The following ABCD2 variants were observed in gnomAD, a reference collection of about 807,000 sequenced individuals.
ABCD2 encodes the protein ATP binding cassette subfamily D member 2.
A neutral mutation model predicts 70.9 loss-of-function variants in ABCD2; 36 were observed. That is an observed-to-expected ratio of 0.51 (90% CI 0.39 to 0.67). The LOEUF (loss-of-function observed/expected upper bound fraction) is 0.67. Among genes scored for constraint, ABCD2 ranks in the 30% least tolerant of loss-of-function variants. ABCD2 has a pLI of 0.00. For synonymous variants in ABCD2, 304 were observed against 306.9 expected (o/e 0.99, Z 0.10); for missense variants, 729 against 890.2 (o/e 0.82, Z 2.30).
chr12:39,600,475 C>A, intron 6 of ABCD2, 96 bp downstream of exon 6: 2 of 1,169,804 alleles, frequency 1.7e-6, no homozygotes, highest in Non-Finnish European at 2.4e-6. Context: ...TTAATAAAAA[C>A]ATTCTTAAAG....
intron 4 of ABCD2, 32 bp from the exon 5 acceptor site, chr12:39,604,038 A>G (rs759441037): frequency 1.4e-6 from 2 of 1,425,816 alleles, no homozygotes; most frequent in Middle Eastern, 1.8e-4. Context: ...AGATACAAAC[A>G]TTATCACAGG....
chr12:39,616,090 T>C (rs1942110983), intron 2 of ABCD2, among the ~76,000 whole-genome samples: 1 of 152,106 alleles, frequency 6.6e-6, no homozygotes, highest in African/African-American at 2.4e-5. Flanking sequence ...AGGATACACG[T>C]AGGAAGAGGG....
chr12:39,585,320 CTGT>C (rs1233167997), intron 7 of ABCD2, among the ~76,000 whole-genome samples: 2 of 152,032 alleles, frequency 1.3e-5, no homozygotes, highest in East Asian at 3.9e-4. Context: ...GTTCGCTTGG[CTGT>C]TGTTGGTGTA....
At chr12:39,567,560 C>A (rs1941373133) in intron 9 of ABCD2, among the ~76,000 whole-genome samples, 1 of 152,186 alleles carries the variant, frequency 6.6e-6, no homozygotes, top group Non-Finnish European at 1.5e-5. Context: ...ATACAGCACA[C>A]TGATGAGTCT....
chr12:39,548,193 A>C (rs1430411025), downstream of ABCD2, among the ~76,000 whole-genome samples: 1 of 152,130 alleles, frequency 6.6e-6, no homozygotes, highest in Non-Finnish European at 1.5e-5. Flanking sequence ...ACAGTGCACT[A>C]TGATGCTAGA....
chr12:39,582,272 C>G (rs1486122092), intron 7 of ABCD2, among the ~76,000 whole-genome samples: 2 of 152,086 alleles, frequency 1.3e-5, no homozygotes, highest in Admixed American at 1.3e-4. Context: ...CAAGTCAGAA[C>G]TGTGCTTGAA....
intron 5 of ABCD2, among the ~76,000 whole-genome samples, chr12:39,601,448 T>TATCCTATTATTTTCTA (rs1941896317): frequency 6.6e-6 from 1 of 151,918 alleles, no homozygotes; most frequent in Non-Finnish European, 1.5e-5. Flanking sequence ...TATTGGATGC[T>TATCCTATTATTTTCTA]TCCCTTTATT....
chr12:39,600,774 C>A, intron 5 of ABCD2, 58 bp from the exon 6 acceptor site: 1 of 1,429,604 alleles, frequency 7.0e-7, no homozygotes. Flanking sequence ...ATTTTGGCAG[C>A]ACCTAAAAGT....
intron 2 of ABCD2, among the ~76,000 whole-genome samples, chr12:39,615,489 C>G (rs980719038): frequency 6.6e-6 from 1 of 151,312 alleles, no homozygotes; most frequent in African/African-American, 2.4e-5. Context: ...CTAACAATAC[C>G]TTTTTCAATA....
intron 2 of ABCD2, among the ~76,000 whole-genome samples, chr12:39,610,839 T>C (rs560192971): frequency 1.3e-5 from 2 of 152,308 alleles, no homozygotes; most frequent in East Asian, 1.9e-4. Flanking sequence ...TGTGAGAGCA[T>C]TGCCAGTAGT....
intron 2 of ABCD2, among the ~76,000 whole-genome samples, chr12:39,616,218 C>G (rs1942112950): frequency 6.6e-6 from 1 of 152,144 alleles, no homozygotes; most frequent in Non-Finnish European, 1.5e-5. Flanking sequence ...GAAAATACTT[C>G]TTCAGTTAAT....
At chr12:39,574,145 T>C (rs751605894) in intron 8 of ABCD2, among the ~76,000 whole-genome samples, 7 of 152,124 alleles carry the variant, frequency 4.6e-5, no homozygotes, top group Non-Finnish European at 8.8e-5. Context: ...ACTGAGTACA[T>C]TTTCCTGCAG....
chr12:39,559,916 G>A (rs986237845), intron 9 of ABCD2, among the ~76,000 whole-genome samples: 21 of 152,052 alleles, frequency 1.4e-4, no homozygotes, highest in African/African-American at 4.8e-4. Context: ...TGGGTAATAA[G>A]AAAACATTAG....
chr12:39,616,859 C>T, intron 2 of ABCD2, 129 bp downstream of exon 2: 1 of 775,240 alleles, frequency 1.3e-6, no homozygotes. Flanking sequence ...TAAAGTCTGC[C>T]ATTGTTTCGG....
At chr12:39,595,318 C>T (rs892111391) in intron 6 of ABCD2, among the ~76,000 whole-genome samples, 1 of 152,054 alleles carries the variant, frequency 6.6e-6, no homozygotes, top group Non-Finnish European at 1.5e-5. Flanking sequence ...TATTCAAAGA[C>T]TTGGTATAGT....
At chr12:39,597,817 T>C (rs1941839440) in intron 6 of ABCD2, among the ~76,000 whole-genome samples, 2 of 152,196 alleles carry the variant, frequency 1.3e-5, no homozygotes, top group Non-Finnish European at 1.5e-5. Flanking sequence ...TTAATAAAGA[T>C]AGGATAAAGG....
chr12:39,591,293 T>G (rs1941742901), intron 6 of ABCD2, among the ~76,000 whole-genome samples: 1 of 152,154 alleles, frequency 6.6e-6, no homozygotes, highest in Non-Finnish European at 1.5e-5. Flanking sequence ...AGAAGAAATA[T>G]TCAAGTGAAA....
At chr12:39,586,357 G>C in intron 6 of ABCD2, 60 bp from the exon 7 acceptor site, 1 of 1,539,076 alleles carries the variant, frequency 6.5e-7, no homozygotes, top group Middle Eastern at 1.7e-4. Flanking sequence ...TACTCAGTGT[G>C]ACAACTTGGT....
intron 3 of ABCD2, among the ~76,000 whole-genome samples, chr12:39,605,287 T>C (rs1941954384): frequency 6.6e-6 from 1 of 152,084 alleles, no homozygotes; most frequent in African/African-American, 2.4e-5. Flanking sequence ...TTATAATCTT[T>C]TATTTTTGGT....
Sources: gnomAD v4.1 joint callset for allele counts (sites outside exome capture counted in the v4.1 genomes callset) on GRCh38, gnomAD v4.1.1 for gene constraint, MANE v1.5 for transcripts, NCBI Gene and HGNC (gene_info 2026-07-23, HGNC 2026-07-21) for gene names.